Variants in UPF2 observed in about 807,000 individuals in gnomAD.
The protein encoded by UPF2 is UPF2 regulator of nonsense mediated mRNA decay.
UPF2 carries 17 observed loss-of-function variants against 141.4 expected under a neutral mutation model. That is an observed-to-expected ratio of 0.12 (90% CI 0.08 to 0.18). The LOEUF is 0.18. Among genes scored for constraint, UPF2 ranks in the 10% least tolerant of loss-of-function variants. UPF2 has a pLI of 1.00. For synonymous variants in UPF2, 540 were observed against 498.0 expected (o/e 1.08, Z -1.12); for missense variants, 1,152 against 1,515.9 (o/e 0.76, Z 3.99).
At position 11,940,198 on chromosome 10, in the gene UPF2, CCCT is replaced by C. The variant is rs1443048771; in HGVS notation, c.3378+2464_3378+2466del. ...CCTGCAAAAATGTGAATTCGAACTT[CCCT>C]CCTCGATTACATCTTCCCATCCTTC... On this transcript the variant is annotated intron_variant, in intron 18 of 21. Transcript: ENST00000357604. This position sits in a 1 kb window ranked among gnomAD's most constrained non-coding sequence, Gnocchi z 4.2. Among the ~76,000 whole-genome samples, 3 of 152,216 alleles carry C rather than the reference CCCT, an allele frequency of 2.0e-5. No homozygotes were observed. The highest frequency in any genetic ancestry group is 4.4e-5 in the Non-Finnish European group (3 of 68,044).
chr10:11,946,286 T>C (rs923566694), intron 16 of UPF2, among the ~76,000 whole-genome samples: 1 of 152,208 alleles, frequency 6.6e-6, no homozygotes, highest in Non-Finnish European at 1.5e-5. Flanking sequence ...AACACAGCCT[T>C]ATGGATTTTT....
chr10:11,993,439 T>G (rs141703056), intron 8 of UPF2, among the ~76,000 whole-genome samples: 1 of 151,550 alleles, frequency 6.6e-6, no homozygotes, highest in South Asian at 2.1e-4. Context: ...TGTAAGAAAA[T>G]AGATCTGAAT....
intron 16 of UPF2, among the ~76,000 whole-genome samples, chr10:11,946,926 C>A (rs75258554): frequency 0.028 from 4,328 of 152,256 alleles, 191 homozygotes; most frequent in African/African-American, 0.095. Context: ...AATCATGGGC[C>A]AAATGCGGCT....
intron 8 of UPF2, 111 bp downstream of exon 8, chr10:11,997,561 T>C: frequency 1.1e-6 from 1 of 951,692 alleles, no homozygotes; most frequent in East Asian, 2.5e-5. Context: ...GCTAATGACC[T>C]ACAGAGTGAA....
chr10:11,924,246 C>T (rs1254228368), intron 21 of UPF2, among the ~76,000 whole-genome samples: 1 of 152,092 alleles, frequency 6.6e-6, no homozygotes, highest in East Asian at 1.9e-4. Flanking sequence ...TATACAAATA[C>T]AAATTAAAAT....
intron 9 of UPF2, among the ~76,000 whole-genome samples, chr10:11,971,092 A>G (rs1454886402): frequency 2.6e-5 from 4 of 152,108 alleles, no homozygotes. Context: ...GGTTAGATCT[A>G]ATAAAAAAGA....
chr10:11,968,155 G>A (rs563143579), intron 9 of UPF2, among the ~76,000 whole-genome samples: 1 of 152,120 alleles, frequency 6.6e-6, no homozygotes, highest in Admixed American at 6.5e-5. Flanking sequence ...CTCCAGCCTG[G>A]GTGACAAGAG....
Position 11,953,993 on chromosome 10 carries a change from A to G in UPF2, c.2850+1239T>C, listed in dbSNP as rs557903664. On this transcript the variant is annotated intron_variant, in intron 14 of 21. Coordinates refer to ENST00000357604, the MANE Select transcript of UPF2 (RefSeq NM_015542.4). This position sits in a 1 kb window ranked among gnomAD's most constrained non-coding sequence, Gnocchi z 5.0. ...TAACAATTGTGATTATATAGAATCGAATGGTACTATCACCACTTAGTAAAA... is the reference window on the plus strand; with the variant it reads ...TAACAATTGTGATTATATAGAATCGGATGGTACTATCACCACTTAGTAAAA... 5.2e-4 allele frequency among the ~76,000 whole-genome samples: 79 copies of G among 152,350 alleles called. No homozygotes were observed. The highest frequency in any genetic ancestry group is 1.9e-3 in the African/African-American group (79 of 41,578).
intron 9 of UPF2, among the ~76,000 whole-genome samples, chr10:11,969,380 AGGCTGGTCTCG>A (rs1833377325): frequency 6.6e-6 from 1 of 152,084 alleles, no homozygotes; most frequent in Non-Finnish European, 1.5e-5. Context: ...TATGTTGGTC[AGGCTGGTCTCG>A]AACTCCTGAC....
At chr10:11,987,181 T>C (rs1833705978) in intron 8 of UPF2, among the ~76,000 whole-genome samples, 1 of 152,172 alleles carries the variant, frequency 6.6e-6, no homozygotes, top group South Asian at 2.1e-4. Context: ...ACTTTAGATA[T>C]AAACACCTCA....
At chr10:12,021,822 A>G (rs1471185016) in intron 3 of UPF2, among the ~76,000 whole-genome samples, 1 of 152,106 alleles carries the variant, frequency 6.6e-6, no homozygotes, top group Non-Finnish European at 1.5e-5. Flanking sequence ...ATTCTGTCCA[A>G]TTTTAATAAA....
intron 3 of UPF2, among the ~76,000 whole-genome samples, chr10:12,028,254 A>G (rs1317884797): frequency 6.6e-6 from 1 of 152,202 alleles, no homozygotes; most frequent in East Asian, 1.9e-4. Flanking sequence ...ATTTTTTCAC[A>G]GCTAATTTTG....
At chr10:11,942,973 CAAAA>C in intron 17 of UPF2, 87 bp downstream of exon 17, 1 of 968,844 alleles carries the variant, frequency 1.0e-6, no homozygotes, top group Non-Finnish European at 1.5e-6. Flanking sequence ...TTTTCATAAT[CAAAA>C]GAAACAAATT....
intron 12 of UPF2, among the ~76,000 whole-genome samples, chr10:11,958,779 A>C (rs1426892903): frequency 6.6e-6 from 1 of 152,214 alleles, no homozygotes; most frequent in Non-Finnish European, 1.5e-5. Flanking sequence ...AAATAGCCAG[A>C]GACGTTCAAA....
At chr10:11,943,733 T>A (rs1421993581) in intron 16 of UPF2, among the ~76,000 whole-genome samples, 7 of 152,192 alleles carry the variant, frequency 4.6e-5, no homozygotes, top group African/African-American at 1.7e-4. Flanking sequence ...AGTTAAGTGA[T>A]CTGCCCAAGG....
intron 10 of UPF2, among the ~76,000 whole-genome samples, chr10:11,966,018 C>G (rs1221411852): frequency 6.6e-6 from 1 of 152,176 alleles, no homozygotes; most frequent in East Asian, 1.9e-4. Context: ...TAATTAATTA[C>G]TGTTACTAAT....
Position 12,035,146 on chromosome 10 carries a change from T to C in UPF2, c.278A>G (p.Glu93Gly), listed in dbSNP as rs778146035. The change falls in exon 2 of 22, where the codon GAA becomes GGA. Residue 93 changes from glutamate to glycine, a missense_variant. Transcript: ENST00000357604. ...EEESKKKEEE[E>G]KKKHQEEERK... is the part of the protein sequence containing the mutation. Reference sequence around the variant, plus strand: ...CTCTTCCTCTTGATGTTTCTTTTTTTCTTCCTCTTCTTTTTTCTTTGATTC... The same window carrying C: ...CTCTTCCTCTTGATGTTTCTTTTTTCCTTCCTCTTCTTTTTTCTTTGATTC... The C allele has an allele frequency of 4.4e-6, 7 of 1,602,258 alleles. No homozygotes were observed. Among genetic ancestry groups the C allele is most frequent in the Non-Finnish European group, 5.9e-6 (7 of 1,177,646 alleles).
intron 4 of UPF2, among the ~76,000 whole-genome samples, chr10:12,005,121 T>C (rs985075628): frequency 7.2e-4 from 109 of 151,450 alleles, no homozygotes; most frequent in Non-Finnish European, 5.0e-4. Flanking sequence ...TTTTTTTTTT[T>C]TGGCAACTCA....
At chr10:12,041,239 T>C (rs1003566952) in intron 1 of UPF2, among the ~76,000 whole-genome samples, 6 of 152,198 alleles carry the variant, frequency 3.9e-5, no homozygotes, top group Non-Finnish European at 8.8e-5. Context: ...CAAGTCCAAA[T>C]ACAATTTTAA....
Sources: gnomAD v4.1 joint callset for allele counts (sites outside exome capture counted in the v4.1 genomes callset) on GRCh38, gnomAD v4.1.1 for gene constraint, Gnocchi (gnomAD v3.1) non-coding constraint, MANE v1.5 for transcripts, NCBI Gene and HGNC (gene_info 2026-07-23, HGNC 2026-07-21) for gene names.